TMEM74: variants seen among roughly 807,000 people sequenced by gnomAD.
The protein encoded by TMEM74 is transmembrane protein 74.
A neutral mutation model predicts 18.1 loss-of-function variants in TMEM74; 13 were observed. The observed-to-expected ratio is 0.72, with a 90% CI of 0.47 to 1.14. TMEM74 has a LOEUF of 1.14. Among genes scored for constraint, TMEM74 ranks in the 50% most tolerant of loss-of-function variants. The pLI is 0.00. For missense variants in TMEM74, 372 were observed against 375.9 expected, an observed-to-expected ratio of 0.99 and a Z score of 0.09; for synonymous variants, 159 against 146.6, an observed-to-expected ratio of 1.08 and a Z score of -0.61.
In TMEM74 at chr8:108,784,196, A is replaced by G; in HGVS notation, c.903T>C (p.Leu301=). Residue 301 remains leucine, a synonymous_variant, in exon 2 of 2, where the codon CTT becomes CTC. Coordinates refer to ENST00000297459, the MANE Select transcript of TMEM74 (RefSeq NM_153015.3). ...ACAACCAGAATTAACTCTGTACAGC[A>G]AGCGCATCTTCCTCTACCAAGGACA... ...LELSLVEEDA[L]AVQS 1 of 1,609,486 alleles carries G rather than the reference A, an allele frequency of 6.2e-7. No homozygotes were observed. The highest frequency in any genetic ancestry group is 1.3e-5 in the African/African-American group (1 of 74,874).
In TMEM74 at chr8:108,781,547, C is replaced by G. The variant is rs1371794827; in HGVS notation, c.*2634G>C. On this transcript the variant is annotated 3_prime_UTR_variant, in exon 2 of 2. Coordinates refer to ENST00000297459, the MANE Select transcript of TMEM74 (RefSeq NM_153015.3). ...GGCAAGTATCTGAATAATGTCACCACAGCCCAAAAGAAGTCATTCAGATGA... is the reference window on the plus strand; with the variant it reads ...GGCAAGTATCTGAATAATGTCACCAGAGCCCAAAAGAAGTCATTCAGATGA... Among the ~76,000 whole-genome samples, 1 of 152,176 alleles carries G rather than the reference C, an allele frequency of 6.6e-6. No individual in the cohort carries two copies. Among genetic ancestry groups the G allele is most frequent in the Non-Finnish European group, 1.5e-5 (1 of 68,036 alleles).
chr8:108,656,252 T>C (rs1812820217), intron 1 of TMEM74, among the ~76,000 whole-genome samples: 1 of 152,178 alleles, frequency 6.6e-6, no homozygotes, highest in Non-Finnish European at 1.5e-5. Flanking sequence ...ATGGAAATCT[T>C]AGTGGTAAAG....
intron 1 of TMEM74, among the ~76,000 whole-genome samples, chr8:108,667,315 G>T (rs1812958381): frequency 6.6e-6 from 1 of 152,076 alleles, no homozygotes; most frequent in Non-Finnish European, 1.5e-5. Context: ...AGTGTTTTTG[G>T]TCAAGATAGA....
intron 1 of TMEM74, among the ~76,000 whole-genome samples, chr8:108,739,386 C>T (rs1813777498): frequency 1.3e-5 from 2 of 152,216 alleles, no homozygotes; most frequent in South Asian, 4.2e-4. Flanking sequence ...CTGTCGTGTG[C>T]TGTATTTTAG....
chr8:108,763,241 C>T (rs553276655), intron 1 of TMEM74, among the ~76,000 whole-genome samples: 1 of 151,902 alleles, frequency 6.6e-6, no homozygotes, highest in Non-Finnish European at 1.5e-5. Flanking sequence ...TAGACCATCC[C>T]ACATAAAGTA....
intron 1 of TMEM74, among the ~76,000 whole-genome samples, chr8:108,762,399 A>G (rs1340951845): frequency 3.3e-5 from 5 of 152,164 alleles, no homozygotes; most frequent in African/African-American, 1.2e-4. Flanking sequence ...AGTTAGTAAT[A>G]TGCAGGCTTA....
In TMEM74 at chr8:108,784,202, A is replaced by G. The variant is rs756547447; in HGVS notation, c.897T>C (p.Asp299=). The G allele has an allele frequency of 1.6e-5, 26 of 1,610,956 alleles. No homozygotes were observed. In the South Asian group the frequency reaches 2.2e-4, roughly 14 times the overall value. Residue 299 remains aspartate (D), a synonymous_variant, in exon 2 of 2, where the codon GAT becomes GAC. Coordinates refer to ENST00000297459, the MANE Select transcript of TMEM74 (RefSeq NM_153015.3). ...AGAATTAACTCTGTACAGCAAGCGCATCTTCCTCTACCAAGGACAGTTCCA... is the reference window on the plus strand; with the variant it reads ...AGAATTAACTCTGTACAGCAAGCGCGTCTTCCTCTACCAAGGACAGTTCCA... The part of the protein sequence containing the change: ...NTLELSLVEE[D]ALAVQS
At chr8:108,618,280 A>G (rs1247676732) in intron 2 of TMEM74, among the ~76,000 whole-genome samples, 2 of 152,166 alleles carry the variant, frequency 1.3e-5, no homozygotes, top group African/African-American at 4.8e-5. Context: ...CAATGGGCAA[A>G]AAGGGTTTTG....
chr8:108,731,688 G>T (rs1367193967), intron 1 of TMEM74, among the ~76,000 whole-genome samples: 1 of 152,102 alleles, frequency 6.6e-6, no homozygotes, highest in Non-Finnish European at 1.5e-5. Context: ...AGCTAGCCTT[G>T]TGTTCTGAGT....
At chr8:108,677,296 A>C (rs918636955) in intron 1 of TMEM74, among the ~76,000 whole-genome samples, 1 of 152,196 alleles carries the variant, frequency 6.6e-6, no homozygotes, top group Non-Finnish European at 1.5e-5. Context: ...ATTTTTGTAA[A>C]ATTGTAATTA....
chr8:108,753,607 C>A (rs762692215), intron 1 of TMEM74, among the ~76,000 whole-genome samples: 14 of 152,100 alleles, frequency 9.2e-5, no homozygotes, highest in Non-Finnish European at 1.3e-4. Flanking sequence ...ACCAATTGTA[C>A]TTACTAAAGA....
At chr8:108,622,057 C>T (rs1485394981) in intron 2 of TMEM74, among the ~76,000 whole-genome samples, 2 of 152,078 alleles carry the variant, frequency 1.3e-5, no homozygotes, top group African/African-American at 2.4e-5. Context: ...CAGGATTTCA[C>T]ATATATCTTA....
In TMEM74 at chr8:108,634,078, C is replaced by T. The variant is rs1812581845; in HGVS notation, n.264+21215G>A. ...GTTACCGGCAAACTGAGGCTACTCA[C>T]TGACATTTCCCATGGGCATCAAGAG... On this transcript the variant is annotated intron_variant and non_coding_transcript_variant, in intron 2 of 3. Coordinates refer to the TMEM74 transcript ENST00000518838. 2.6e-5 allele frequency among the ~76,000 whole-genome samples: 4 copies of T among 151,950 alleles called. No individual in the cohort carries two copies. The South Asian group carries it at 6.2e-4, about 24-fold the overall frequency.
chr8:108,701,984 C>T (rs3019332), intron 1 of TMEM74, among the ~76,000 whole-genome samples: 1 of 151,846 alleles, frequency 6.6e-6, no homozygotes, highest in African/African-American at 2.4e-5. Context: ...GCAGTTAACA[C>T]TACCCAACAT....
intron 1 of TMEM74, among the ~76,000 whole-genome samples, chr8:108,725,846 T>C (rs932450481): frequency 3.3e-5 from 5 of 152,208 alleles, no homozygotes; most frequent in Non-Finnish European, 7.4e-5. Flanking sequence ...GATTTATTTT[T>C]CACATCTAAG....
chr8:108,727,463 G>T (rs906945283), intron 1 of TMEM74, among the ~76,000 whole-genome samples: 3 of 152,172 alleles, frequency 2.0e-5, no homozygotes, highest in African/African-American at 7.2e-5. Flanking sequence ...GGAAGGAGAA[G>T]TGTACAGGAT....
intron 1 of TMEM74, among the ~76,000 whole-genome samples, chr8:108,725,930 G>A (rs1259081994): frequency 6.6e-6 from 1 of 152,050 alleles, no homozygotes; most frequent in Non-Finnish European, 1.5e-5. Context: ...CCATAATCAG[G>A]GTGAGATTGT....
intron 1 of TMEM74, among the ~76,000 whole-genome samples, chr8:108,754,216 G>T (rs1272763247): frequency 6.6e-6 from 1 of 152,026 alleles, no homozygotes; most frequent in Non-Finnish European, 1.5e-5. Flanking sequence ...TTGTGTTTTT[G>T]TTGACATGTA....
intron 1 of TMEM74, among the ~76,000 whole-genome samples, chr8:108,687,173 AACT>A (rs1356342380): frequency 1.3e-5 from 2 of 152,160 alleles, no homozygotes; most frequent in Admixed American, 1.3e-4. Flanking sequence ...AATCACAAAA[AACT>A]ACTGACATTA....
Sources: allele counts gnomAD v4.1 joint callset (sites outside exome capture counted in the v4.1 genomes callset), GRCh38; gene constraint gnomAD v4.1.1; transcripts MANE v1.5; gene names NCBI Gene and HGNC (gene_info 2026-07-23, HGNC 2026-07-21).